The following TTC28 variants were observed in gnomAD, a reference collection of about 807,000 sequenced individuals.
The protein encoded by TTC28 is tetratricopeptide repeat protein 28.
A neutral mutation model predicts 198.0 loss-of-function variants in TTC28; 61 were observed. That is an observed-to-expected ratio of 0.31 (90% confidence interval 0.25 to 0.38). The LOEUF is 0.38. TTC28 is among the 10% of genes least tolerant of loss of function. TTC28 has a pLI of 1.00. For missense variants in TTC28, 2,678 were observed against 3,164.0 expected, an observed-to-expected ratio of 0.85 and a Z score of 3.69; for synonymous variants, 1,171 against 1,297.8, an observed-to-expected ratio of 0.90 and a Z score of 2.10.
Position 28,527,479 on chromosome 22 carries a change from C to A in TTC28, c.381+102073G>T, listed in dbSNP as rs182727016. ...TACTGCAAACCAGTTCTGGCCTATG[C>A]AAACCAGAAACTTCTCTGCCATCAA... On this transcript the variant is annotated intron_variant, in intron 2 of 22. Transcript: ENST00000397906. Among the ~76,000 whole-genome samples, 52 of 152,254 alleles carry A rather than the reference C, an allele frequency of 3.4e-4. 1 individual carries two copies. Among genetic ancestry groups the A allele is most frequent in the African/African-American group, 1.1e-3 (44 of 41,550 alleles).
At chr22:28,551,216 G>A (rs1460475005) in intron 2 of TTC28, among the ~76,000 whole-genome samples, 1 of 151,926 alleles carries the variant, frequency 6.6e-6, no homozygotes, top group East Asian at 1.9e-4. Flanking sequence ...AATAACAGCA[G>A]CAAGATTGAA....
At chr22:28,506,339 C>CA (rs2048612405) in intron 2 of TTC28, among the ~76,000 whole-genome samples, 1 of 151,852 alleles carries the variant, frequency 6.6e-6, no homozygotes, top group Admixed American at 6.6e-5. Context: ...CATTCCCCCT[C>CA]ACAGGCAGGA....
intron 11 of TTC28, among the ~76,000 whole-genome samples, chr22:28,094,921 G>A (rs767919): frequency 0.054 from 8,239 of 152,020 alleles, 278 homozygotes; most frequent in African/African-American, 0.069. Flanking sequence ...TTGGATTAGC[G>A]CCCCCAGTGA....
chr22:28,634,786 T>C (rs1207689476), intron 1 of TTC28, among the ~76,000 whole-genome samples: 1 of 151,724 alleles, frequency 6.6e-6, no homozygotes, highest in Non-Finnish European at 1.5e-5. Context: ...GGTTTTGCCA[T>C]GTTGGCCAGG....
At chr22:28,014,740 G>A (rs560709304) in intron 13 of TTC28, among the ~76,000 whole-genome samples, 12 of 152,166 alleles carry the variant, frequency 7.9e-5, no homozygotes, top group Non-Finnish European at 1.6e-4. Context: ...AGGAATCAGC[G>A]ACAGCCACCA....
At chr22:28,138,663 T>A (rs1943256596) in intron 6 of TTC28, among the ~76,000 whole-genome samples, 1 of 152,132 alleles carries the variant, frequency 6.6e-6, no homozygotes, top group Non-Finnish European at 1.5e-5. Context: ...ATCCTGAGGC[T>A]TATCAAGGCC....
intron 5 of TTC28, among the ~76,000 whole-genome samples, chr22:28,222,424 C>T (rs1265940067): frequency 6.6e-6 from 1 of 152,218 alleles, no homozygotes; most frequent in East Asian, 1.9e-4. Context: ...ACAAGAAAAA[C>T]ATGTCTTGGC....
rs564609438 is a variant in TTC28 at position 28,044,492 on chromosome 22, G to A, written c.3933-14126C>T. Among the ~76,000 whole-genome samples, 3 of 152,062 alleles carry A rather than the reference G, an allele frequency of 2.0e-5. No individual in the cohort carries two copies. The East Asian group carries it at 5.8e-4, about 29-fold the overall frequency. ...ATACTTTAAAGGTTTTAGAGTACAT[G>A]TGCACAATGTGCAGGTTTGTTACAT... is the stretch of plus-strand genomic sequence containing the variant. On this transcript the variant is annotated intron_variant, in intron 12 of 22. Transcript: ENST00000397906.
At chr22:28,480,466 T>C (rs1408231435) in intron 2 of TTC28, among the ~76,000 whole-genome samples, 1 of 152,162 alleles carries the variant, frequency 6.6e-6, no homozygotes, top group Admixed American at 6.5e-5. Context: ...AGAAAATTAA[T>C]TAGTATTTGG....
At chr22:28,163,005 C>A in intron 6 of TTC28, 87 bp downstream of exon 6, 1 of 1,393,474 alleles carries the variant, frequency 7.2e-7, no homozygotes, top group Non-Finnish European at 9.5e-7. Flanking sequence ...TATAAACACA[C>A]AGATTCCTAT....
chr22:28,577,016 G>A (rs1259853841), intron 2 of TTC28, among the ~76,000 whole-genome samples: 4 of 151,330 alleles, frequency 2.6e-5, no homozygotes, highest in African/African-American at 9.7e-5. Context: ...ACTAATTCTG[G>A]TTTGGTTTGC....
intron 3 of TTC28, among the ~76,000 whole-genome samples, chr22:28,300,058 C>T (rs907975190): frequency 2.6e-5 from 4 of 152,206 alleles, no homozygotes; most frequent in African/African-American, 7.2e-5. Flanking sequence ...CTCCTCCCCA[C>T]ACCAACTCAC....
At chr22:28,256,067 G>A (rs111263251) in intron 5 of TTC28, among the ~76,000 whole-genome samples, 3 of 151,902 alleles carry the variant, frequency 2.0e-5, no homozygotes, top group African/African-American at 7.3e-5. Flanking sequence ...GCTCACATTA[G>A]TAGCAAAGAA....
intron 2 of TTC28, among the ~76,000 whole-genome samples, chr22:28,530,891 C>G (rs1487667842): frequency 2.6e-5 from 4 of 152,068 alleles, no homozygotes; most frequent in South Asian, 2.1e-4. Flanking sequence ...GCCTGCCTTA[C>G]AAAGCTCCTG....
chr22:28,317,145 TTCTG>T (rs1262223580), intron 2 of TTC28, among the ~76,000 whole-genome samples: 2 of 152,162 alleles, frequency 1.3e-5, no homozygotes, highest in African/African-American at 2.4e-5. Flanking sequence ...TTCTGAGTGT[TTCTG>T]TCTTTCCATT....
chr22:28,525,052 T>G (rs1432021318), intron 2 of TTC28, among the ~76,000 whole-genome samples: 1 of 152,254 alleles, frequency 6.6e-6, no homozygotes, highest in Non-Finnish European at 1.5e-5. Context: ...CTGCTGGGGT[T>G]ATATGAATTG....
rs562120486 is a variant in TTC28, at chr22:28,576,442, T to G, written c.381+53110A>C. Among the ~76,000 whole-genome samples, 18 of 152,162 alleles carry G rather than the reference T, an allele frequency of 1.2e-4. 1 individual carries two copies. In the South Asian group the frequency reaches 2.9e-3, roughly 25 times the overall value. On this transcript the variant is annotated intron_variant, in intron 2 of 22. Transcript: ENST00000397906. Reference sequence around the variant, plus strand: ...ATCAGGGGTGTGACTCTGTAGGGTTTGTTTGTTTGTTTTATGAACCTTTAT... The same window carrying G: ...ATCAGGGGTGTGACTCTGTAGGGTTGGTTTGTTTGTTTTATGAACCTTTAT...
chr22:28,660,813 C>A lies in TTC28; in HGVS notation c.102+18809G>T, dbSNP rs543771149. Among the ~76,000 whole-genome samples, 325 of 149,098 alleles carry A rather than the reference C, an allele frequency of 2.2e-3. 3 individuals are homozygous for A. Among genetic ancestry groups the A allele is most frequent in the African/African-American group, 7.7e-3 (311 of 40,498 alleles). On this transcript the variant is annotated intron_variant, in intron 1 of 22. Coordinates refer to ENST00000397906, the MANE Select transcript of TTC28 (RefSeq NM_001145418.2). The stretch of plus-strand genomic sequence containing the variant: ...TGCTGGGATTACAGGCATGAGCCAC[C>A]GCGGCTGGCCAATTTTTGTATTTTT...
chr22:28,435,592 A>T (rs930895717), intron 2 of TTC28, among the ~76,000 whole-genome samples: 1 of 152,216 alleles, frequency 6.6e-6, no homozygotes, highest in African/African-American at 2.4e-5. Flanking sequence ...GTGACTGACT[A>T]GCAAAATGAA....
Sources: allele counts gnomAD v4.1 joint callset (sites outside exome capture counted in the v4.1 genomes callset), GRCh38; gene constraint gnomAD v4.1.1; transcripts MANE v1.5; gene names NCBI Gene and HGNC (gene_info 2026-07-23, HGNC 2026-07-21).